Variants in GLRA2 observed in about 807,000 individuals in gnomAD.
GLRA2 encodes glycine receptor subunit alpha-2.
GLRA2 carries 11 observed loss-of-function variants against 31.6 expected under a neutral mutation model. The ratio of observed to expected loss-of-function variants is 0.35; its 90% CI spans 0.22 to 0.58. GLRA2 has a LOEUF of 0.58. Among genes scored for constraint, GLRA2 ranks in the 20% least tolerant of loss-of-function variants. The pLI is 0.84. For missense variants in GLRA2, 212 were observed against 351.8 expected (o/e 0.60, Z 3.18); for synonymous variants, 132 against 134.0 (o/e 0.99, Z 0.10).
chrX:14,464,631 A>G, the GLRA2 span, among the ~76,000 whole-genome samples: 1 of 111,882 alleles, frequency 8.9e-6, no homozygotes, highest in African/African-American at 3.3e-5. Flanking sequence ...ATCTCGGCTC[A>G]CTGCAACCTC....
chrX:14,618,063 A>G (rs1182514620), intron 7 of GLRA2, among the ~76,000 whole-genome samples: 1 of 112,363 alleles, frequency 8.9e-6, no homozygotes, highest in African/African-American at 3.2e-5. Flanking sequence ...ATAGGATAAG[A>G]ATATAAGAAT....
At chrX:14,472,626 G>C in the GLRA2 span, among the ~76,000 whole-genome samples, 1 of 111,356 alleles carries the variant, frequency 9.0e-6, no homozygotes, top group Non-Finnish European at 1.9e-5. Flanking sequence ...GCGAGAACAG[G>C]AGGTATTTGG....
chrX:14,505,942 C>G, the GLRA2 span, among the ~76,000 whole-genome samples: 1 of 111,123 alleles, frequency 9.0e-6, no homozygotes, highest in Non-Finnish European at 1.9e-5. Context: ...CAAGTTCTCT[C>G]TGGGTCAGAA....
At chrX:14,457,013 C>A in the GLRA2 span, among the ~76,000 whole-genome samples, 1 of 111,686 alleles carries the variant, frequency 9.0e-6, no homozygotes, top group South Asian at 3.8e-4. Context: ...ACGTCCTCAC[C>A]AACATTTGTT....
At chrX:14,503,268 C>T in the GLRA2 span, among the ~76,000 whole-genome samples, 2 of 111,268 alleles carry the variant, frequency 1.8e-5, no homozygotes, top group Non-Finnish European at 3.8e-5. Flanking sequence ...AAAAGAGGGA[C>T]TTAATGAGTG....
In GLRA2 at chrX:14,642,411, C is replaced by T. The variant is rs748118557; in HGVS notation, c.930+33206C>T. 1.2e-4 allele frequency among the ~76,000 whole-genome samples: 14 copies of T among 112,038 alleles called. No individual in the cohort carries two copies. In the South Asian group the frequency reaches 4.1e-3, roughly 33 times the overall value. On this transcript the variant is annotated intron_variant, in intron 7 of 8. Coordinates refer to ENST00000218075, the MANE Select transcript of GLRA2 (RefSeq NM_002063.4). ...CAAGGCACAGCTAAGTATGATTATTCAGTCACCCAGCTCCTTGGCCATTGG... is the reference window on the plus strand; with the variant it reads ...CAAGGCACAGCTAAGTATGATTATTTAGTCACCCAGCTCCTTGGCCATTGG...
At chrX:14,581,926 G>A (rs2090021573) in intron 4 of GLRA2, among the ~76,000 whole-genome samples, 1 of 110,636 alleles carries the variant, frequency 9.0e-6, no homozygotes, top group Non-Finnish European at 1.9e-5. Flanking sequence ...AACTTTTCTT[G>A]GACTTGGGCC....
At chrX:14,526,135 T>G (rs1038458507), upstream of GLRA2, among the ~76,000 whole-genome samples, 2 of 111,855 alleles carry the variant, frequency 1.8e-5, no homozygotes, top group African/African-American at 6.5e-5. Flanking sequence ...ATTTGAAAAA[T>G]AGGCTGGTGT....
At chrX:14,616,878 C>T (rs1182514992) in intron 7 of GLRA2, among the ~76,000 whole-genome samples, 1 of 111,828 alleles carries the variant, frequency 8.9e-6, no homozygotes, top group East Asian at 2.9e-4. Context: ...CTTGCTTTAG[C>T]CAGATGTCTG....
At chrX:14,687,339 GA>G (rs1317172203) in intron 7 of GLRA2, among the ~76,000 whole-genome samples, 4 of 111,681 alleles carry the variant, frequency 3.6e-5, no homozygotes, top group Non-Finnish European at 7.5e-5. Flanking sequence ...TCCTGAATTT[GA>G]ATGTTGGCCT....
intron 2 of GLRA2, among the ~76,000 whole-genome samples, chrX:14,566,453 A>G (rs2089807966): frequency 8.9e-6 from 1 of 112,132 alleles, no homozygotes; most frequent in Non-Finnish European, 1.9e-5. Flanking sequence ...TGAGTCCAGC[A>G]TTACTCTAAT....
intron 2 of GLRA2, among the ~76,000 whole-genome samples, chrX:14,545,224 C>T (rs1236494664): frequency 1.8e-5 from 2 of 111,548 alleles, no homozygotes; most frequent in Non-Finnish European, 3.8e-5. Flanking sequence ...TTATTTCTTA[C>T]AGTTCTGGAG....
intron 8 of GLRA2, 47 bp downstream of exon 8, chrX:14,690,906 G>T (rs1235102379): frequency 8.6e-7 from 1 of 1,158,370 alleles, no homozygotes; most frequent in African/African-American, 1.8e-5. Context: ...GAGTTGGTTA[G>T]CTAGGCAATG....
the GLRA2 span, among the ~76,000 whole-genome samples, chrX:14,517,685 A>G: frequency 3.5e-4 from 39 of 111,752 alleles, 1 homozygote; most frequent in Non-Finnish European, 6.8e-4. Flanking sequence ...GTGGGGACAC[A>G]GCCAAACCAT....
chrX:14,622,060 G>C (rs2090526675), intron 7 of GLRA2, among the ~76,000 whole-genome samples: 1 of 112,063 alleles, frequency 8.9e-6, no homozygotes, highest in African/African-American at 3.2e-5. Context: ...CATTCTAACT[G>C]GTGTGAGATG....
chrX:14,578,572 G>C (rs1401181416), intron 3 of GLRA2, among the ~76,000 whole-genome samples: 1 of 112,217 alleles, frequency 8.9e-6, no homozygotes, highest in East Asian at 2.8e-4. Context: ...AGACTTAGAT[G>C]ACTAATAAGG....
At chrX:14,523,020 C>A in the GLRA2 span, among the ~76,000 whole-genome samples, 61 of 112,199 alleles carry the variant, frequency 5.4e-4, no homozygotes, top group Non-Finnish European at 1.0e-3. Flanking sequence ...TGACTTCTCT[C>A]TAGCTATGAA....
chrX:14,477,324 G>C, the GLRA2 span, among the ~76,000 whole-genome samples: 1 of 111,137 alleles, frequency 9.0e-6, no homozygotes, highest in Non-Finnish European at 1.9e-5. Context: ...AATCATATGA[G>C]ACATTTAGTT....
At chrX:14,616,415 G>T (rs921632658) in intron 7 of GLRA2, among the ~76,000 whole-genome samples, 1 of 111,211 alleles carries the variant, frequency 9.0e-6, no homozygotes. Flanking sequence ...TATTAACTGG[G>T]ATGGCCTATT....
Sources: gnomAD v4.1 joint callset for allele counts (sites outside exome capture counted in the v4.1 genomes callset) on GRCh38, gnomAD v4.1.1 for gene constraint, MANE v1.5 for transcripts, NCBI Gene and HGNC (gene_info 2026-07-23, HGNC 2026-07-21) for gene names.